Variants in ITPR2 observed in about 807,000 individuals in gnomAD.
The protein encoded by ITPR2 is inositol 1,4,5-trisphosphate-gated calcium channel ITPR2.
ITPR2 carries 207 observed loss-of-function variants against 317.1 expected under a neutral mutation model. The ratio of observed to expected loss-of-function variants is 0.65; its 90% CI spans 0.58 to 0.73. The LOEUF is 0.73. ITPR2 is among the 30% of genes least tolerant of loss of function. The probability of loss-of-function intolerance (pLI) is 0.00; values close to 1 mark genes in which losing one functional copy is unlikely to be tolerated. For missense variants in ITPR2, 2,613 were observed against 3,284.0 expected, an observed-to-expected ratio of 0.80 and a Z score of 4.99; for synonymous variants, 1,156 against 1,149.1, an observed-to-expected ratio of 1.01 and a Z score of -0.12.
chr12:26,750,968 G>A (rs1355187644), intron 2 of ITPR2, among the ~76,000 whole-genome samples: 3 of 152,054 alleles, frequency 2.0e-5, no homozygotes, highest in East Asian at 1.9e-4. Context: ...TCAAGATCAC[G>A]CAGCTAGTTA....
At chr12:26,809,529 A>C (rs567156828) in intron 1 of ITPR2, among the ~76,000 whole-genome samples, 1 of 152,224 alleles carries the variant, frequency 6.6e-6, no homozygotes, top group Non-Finnish European at 1.5e-5. Context: ...CTCATTTGAC[A>C]TTTTGGTAAG....
intron 45 of ITPR2, among the ~76,000 whole-genome samples, chr12:26,458,255 C>G (rs1941937007): frequency 6.6e-6 from 1 of 152,106 alleles, no homozygotes; most frequent in Non-Finnish European, 1.5e-5. Context: ...GCCAGGCTGT[C>G]CAGGTGAGGG....
At chr12:26,535,820 A>T (rs896128619) in intron 37 of ITPR2, among the ~76,000 whole-genome samples, 2 of 152,236 alleles carry the variant, frequency 1.3e-5, no homozygotes, top group Non-Finnish European at 2.9e-5. Context: ...TGGCACAATC[A>T]TTTAAAGATG....
chr12:26,487,028 C>T (rs768928059), intron 40 of ITPR2, 40 bp downstream of exon 40: 2 of 1,538,064 alleles, frequency 1.3e-6, no homozygotes, highest in African/African-American at 2.7e-5. Flanking sequence ...CCCCTCTTTT[C>T]TCTCACTCTG....
chr12:26,425,558 C>T (rs900634242), intron 49 of ITPR2, among the ~76,000 whole-genome samples: 3 of 151,852 alleles, frequency 2.0e-5, no homozygotes, highest in Non-Finnish European at 4.4e-5. Context: ...GCCCCAGCTA[C>T]TCAGGAGCCT....
At chr12:26,500,072 C>T (rs779279320) in intron 37 of ITPR2, among the ~76,000 whole-genome samples, 1 of 152,184 alleles carries the variant, frequency 6.6e-6, no homozygotes, top group African/African-American at 2.4e-5. Flanking sequence ...TGCTACATCA[C>T]AAGTTCAGCA....
intron 34 of ITPR2, among the ~76,000 whole-genome samples, chr12:26,566,595 A>C (rs1422185736): frequency 2.6e-5 from 4 of 152,016 alleles, no homozygotes; most frequent in Non-Finnish European, 5.9e-5. Context: ...GAAAGGAAGA[A>C]AGAAAATAGA....
intron 47 of ITPR2, 30 bp downstream of exon 47, chr12:26,439,097 A>G (rs1202614736): frequency 9.6e-6 from 14 of 1,455,020 alleles, no homozygotes; most frequent in Non-Finnish European, 1.3e-5. Flanking sequence ...ACTATGCACA[A>G]AACTAACCAT....
intron 5 of ITPR2, among the ~76,000 whole-genome samples, chr12:26,722,103 C>A (rs906612749): frequency 4.6e-5 from 7 of 151,928 alleles, no homozygotes; most frequent in African/African-American, 1.7e-4. Flanking sequence ...CCTAATTAGG[C>A]AAAAAAGTAA....
intron 46 of ITPR2, among the ~76,000 whole-genome samples, chr12:26,440,759 T>A (rs1266214966): frequency 8.1e-6 from 1 of 124,134 alleles, no homozygotes; most frequent in Admixed American, 7.4e-5. Flanking sequence ...GTCAAATATT[T>A]TTAAAAAATC....
chr12:26,669,791 T>G (rs983831234), intron 13 of ITPR2, among the ~76,000 whole-genome samples: 2 of 152,312 alleles, frequency 1.3e-5, no homozygotes, highest in Admixed American at 6.5e-5. Context: ...TTCCCTTTCC[T>G]AGTCAAAGAA....
chr12:26,363,012 A>C (rs1163889520), intron 55 of ITPR2, among the ~76,000 whole-genome samples: 2 of 152,192 alleles, frequency 1.3e-5, no homozygotes, highest in Non-Finnish European at 2.9e-5. Context: ...CAGGGCCCCC[A>C]AACCCTGGGC....
intron 10 of ITPR2, among the ~76,000 whole-genome samples, chr12:26,691,840 C>T (rs536404758): frequency 6.6e-6 from 1 of 152,052 alleles, no homozygotes; most frequent in Admixed American, 6.6e-5. Context: ...AGCAGCATAA[C>T]GATGTGCATG....
At chr12:26,426,477 G>T (rs1385904212) in intron 49 of ITPR2, among the ~76,000 whole-genome samples, 1 of 152,168 alleles carries the variant, frequency 6.6e-6, no homozygotes. Context: ...GAAACATGGA[G>T]CTGGGAAGGA....
intron 51 of ITPR2, among the ~76,000 whole-genome samples, chr12:26,415,028 A>G (rs1940675453): frequency 6.6e-6 from 1 of 152,100 alleles, no homozygotes; most frequent in Non-Finnish European, 1.5e-5. Flanking sequence ...GTTGTTGACT[A>G]TCTTTTGGAA....
At chr12:26,373,809 C>G (rs1474692145) in intron 55 of ITPR2, 3 of 150,124 alleles carry the variant, frequency 2.0e-5, no homozygotes, top group Non-Finnish European at 3.0e-5. Context: ...AATGAAAAAG[C>G]TGATTACATG....
At chr12:26,727,668 C>T (rs1026212619) in intron 2 of ITPR2, among the ~76,000 whole-genome samples, 1 of 152,130 alleles carries the variant, frequency 6.6e-6, no homozygotes, top group African/African-American at 2.4e-5. Flanking sequence ...CTGTAATCCC[C>T]CTACAGGGGG....
intron 37 of ITPR2, among the ~76,000 whole-genome samples, chr12:26,543,057 T>G (rs539931760): frequency 1.3e-5 from 2 of 152,206 alleles, no homozygotes; most frequent in Non-Finnish European, 2.9e-5. Flanking sequence ...AGAAATAACT[T>G]GTAATGCTCT....
chr12:26,790,481 T>C (rs1420381461), intron 1 of ITPR2, among the ~76,000 whole-genome samples: 1 of 152,142 alleles, frequency 6.6e-6, no homozygotes, highest in African/African-American at 2.4e-5. Flanking sequence ...CATGGAACAC[T>C]GCGGAGCTGT....
Sources: allele counts gnomAD v4.1 joint callset (sites outside exome capture counted in the v4.1 genomes callset), GRCh38; gene constraint gnomAD v4.1.1; transcripts MANE v1.5; gene names NCBI Gene and HGNC (gene_info 2026-07-23, HGNC 2026-07-21).